The following TAT variants were observed in gnomAD, a reference collection of about 807,000 sequenced individuals.
TAT encodes the protein tyrosine aminotransferase, also known as L-tyrosine:2-oxoglutarate aminotransferase.
In TAT, 35 loss-of-function variants were observed where a neutral mutation model predicts 53.6. The ratio of observed to expected loss-of-function variants is 0.65; its 90% CI spans 0.50 to 0.87. The LOEUF (loss-of-function observed/expected upper bound fraction) is 0.87, where lower values mean the gene tolerates loss of function less well. Among genes scored for constraint, TAT ranks in the 40% least tolerant of loss-of-function variants. The pLI is 0.00. For missense variants in TAT, 525 were observed against 571.8 expected (o/e 0.92, Z 0.83); for synonymous variants, 197 against 206.5 (o/e 0.95, Z 0.39).
rs2044231816 is a variant in TAT at position 71,575,917 on chromosome 16, C to G, written c.340+5G>C. On this transcript the variant is annotated splice_donor_5th_base_variant and intron_variant, in intron 3 of 11. Transcript: ENST00000355962. ...ACCAGGTATGGAGTCTCAGGAGGAGCTTACCGATGGATGGGGCATAGCCAT... is the reference window on the plus strand; with the variant it reads ...ACCAGGTATGGAGTCTCAGGAGGAGGTTACCGATGGATGGGGCATAGCCAT... 6.2e-7 allele frequency: 1 copy of G among 1,613,928 alleles called. No homozygotes were observed. Among genetic ancestry groups the G allele is most frequent in the Admixed American group, 1.7e-5 (1 of 60,002 alleles).
Position 71,576,438 on chromosome 16 carries a change from AAAG to A in TAT, c.-12-14_-12-12del. On this transcript the variant is annotated splice_polypyrimidine_tract_variant and intron_variant, in intron 1 of 11. Transcript: ENST00000355962. ...CATCACTAGCGAAGCCTGCGAGGGGAAAGAAGTTCCCTGTGATGTTGATAACAT... is the reference window on the plus strand; with the variant it reads ...CATCACTAGCGAAGCCTGCGAGGGGAAAGTTCCCTGTGATGTTGATAACAT... 6.2e-7 allele frequency: 1 copy of A among 1,610,120 alleles called. No individual in the cohort carries two copies. The highest frequency in any genetic ancestry group is 1.1e-5 in the South Asian group (1 of 90,986).
chr16:71,574,876 G>T (rs977973043), intron 3 of TAT, among the ~76,000 whole-genome samples: 6 of 152,122 alleles, frequency 3.9e-5, no homozygotes, highest in African/African-American at 1.4e-4. Flanking sequence ...GTGTCTCAAA[G>T]TTATACAAAT....
In TAT at chr16:71,568,214, C is replaced by A; in HGVS notation, c.1295G>T (p.Ser432Ile). The A allele has an allele frequency of 6.2e-7, 1 of 1,614,222 alleles. No homozygotes were observed. Among genetic ancestry groups the A allele is most frequent in the Non-Finnish European group, 8.5e-7 (1 of 1,180,034 alleles). The change falls in exon 12 of 12, where the codon AGC becomes ATC. Residue 432 changes from serine to isoleucine, a missense_variant. Ser to Ile is a moderately radical substitution (Grantham distance 142). Transcript: ENST00000355962. ...VPEVMMLEAC[S>I]RIQEFCEQHY... The stretch of plus-strand genomic sequence containing the variant: ...CTGCTCACAGAACTCCTGGATCCGG[C>A]TGCACGCCTCCAGCATCATCACCTC...
rs746623102 is a variant in TAT at position 71,571,683 on chromosome 16, A to G, written c.707-25T>C. 8.7e-6 allele frequency: 14 copies of G among 1,610,998 alleles called. No individual in the cohort carries two copies. The African/African-American group carries it at 1.3e-4, about 15-fold the overall frequency. ...ACTGAAAATAAAACATGCTGAAATC[A>G]GTTTTAATGTGAATTGCTTTATCAT... On this transcript the variant is annotated intron_variant, in intron 6 of 11. Coordinates refer to ENST00000355962, the MANE Select transcript of TAT (RefSeq NM_000353.3).
intron 4 of TAT, 114 bp from the exon 5 acceptor site, chr16:71,572,802 A>C: frequency 8.3e-7 from 1 of 1,207,954 alleles, no homozygotes; most frequent in Non-Finnish European, 1.2e-6. Flanking sequence ...ACAAGTTGTA[A>C]GTAGTAGGAA....
intron 9 of TAT, 70 bp from the exon 10 acceptor site, chr16:71,570,007 A>G (rs1597053055): frequency 1.3e-6 from 2 of 1,485,954 alleles, no homozygotes; most frequent in East Asian, 4.8e-5. Context: ...CATTAAAAAT[A>G]GCCCCCTCAT....
chr16:71,566,016 T>G lies in TAT; in HGVS notation c.*2128A>C, dbSNP rs936461970. On this transcript the variant is annotated 3_prime_UTR_variant, in exon 12 of 12. Coordinates refer to ENST00000355962, the MANE Select transcript of TAT (RefSeq NM_000353.3). ...ACGTGTAAAACTAAAATGTCTTTTG[T>G]AAATCACTGAGTCTTCCTGTTTATT... 1 of 152,228 alleles carries G rather than the reference T, an allele frequency of 6.6e-6. No homozygotes were observed. The highest frequency in any genetic ancestry group is 2.4e-5 in the African/African-American group (1 of 41,460). 9.4% of individuals were successfully genotyped at this position (152,228 alleles called of 1,614,324 possible). A position where few individuals can be genotyped will look rare whatever the true frequency, so the allele number is the denominator to read the frequency against.
At chr16:71,573,469 A>T in intron 4 of TAT, 70 bp downstream of exon 4, 1 of 1,416,330 alleles carries the variant, frequency 7.1e-7, no homozygotes, top group Non-Finnish European at 9.8e-7. Context: ...CTTCTTGTGG[A>T]ACAGAAACAA....
At chr16:71,571,906 T>C (rs1188494469) in intron 6 of TAT, 1 of 626,774 alleles carries the variant, frequency 1.6e-6, no homozygotes, top group East Asian at 2.7e-5. Context: ...TTTAAGTAAC[T>C]AGATATTTCA....
At chr16:71,571,764 A>G in intron 6 of TAT, 106 bp from the exon 7 acceptor site, 1 of 1,149,516 alleles carries the variant, frequency 8.7e-7, no homozygotes, top group East Asian at 2.4e-5. Context: ...AAGAAGTTAC[A>G]ATTCTTAAAG....
rs1349969075 is a variant in TAT at position 71,573,580 on chromosome 16, C to A, written c.367G>T (p.Ala123Ser). The A allele has an allele frequency of 1.3e-6, 2 of 1,554,922 alleles. No homozygotes were observed. The highest frequency in any genetic ancestry group is 1.2e-5 in the South Asian group (1 of 84,226). Residue 123 changes from alanine (A) to serine (S), a missense_variant, in exon 4 of 12, where the codon GCT (alanine) becomes TCT (serine). Physicochemically the swap from Ala to Ser is moderately conservative, Grantham distance 99. Coordinates refer to ENST00000355962, the MANE Select transcript of TAT (RefSeq NM_000353.3). Reference sequence around the variant, plus strand: ...GCCTCAGGACAGTGGTAATAAGAAGCAATCTCCTCCCGACTGGATAGGAAG... The same window carrying A: ...GCCTCAGGACAGTGGTAATAAGAAGAAATCTCCTCCCGACTGGATAGGAAG... ...IGFLSSREEIASYYHCPEAPL... is the reference protein window; with the variant it reads ...IGFLSSREEISSYYHCPEAPL...
chr16:71,567,804 A>T lies in TAT; in HGVS notation c.*340T>A, dbSNP rs955029675. ...TCTCTCAATCTTTTTCTTTTCCCTC[A>T]TCCTGAGCTCTTATTTTCTTGTCTC... On this transcript the variant is annotated 3_prime_UTR_variant, in exon 12 of 12. Transcript: ENST00000355962. 1 of 349,456 alleles carries T rather than the reference A, an allele frequency of 2.9e-6. No homozygotes were observed. Among genetic ancestry groups the T allele is most frequent in the African/African-American group, 2.1e-5 (1 of 47,218 alleles). The allele number at this position is 349,456 out of a possible 1,614,324, so 21.6% of individuals were successfully genotyped here. A position where few individuals can be genotyped will look rare whatever the true frequency, so the allele number is the denominator to read the frequency against.
intron 3 of TAT, chr16:71,575,686 A>T: frequency 1.7e-6 from 1 of 577,960 alleles, no homozygotes; most frequent in South Asian, 2.0e-5. Flanking sequence ...TATGTTTGGG[A>T]GCCTAGAGGG....
At position 71,568,273 on chromosome 16, in the gene TAT, G is replaced by T; in HGVS notation, c.1236C>A (p.Tyr412Ter). The change falls in exon 12 of 12, where the codon TAC becomes TAA. Residue 412 changes from tyrosine to a stop codon, truncating the protein, a stop_gained. Coordinates refer to ENST00000355962, the MANE Select transcript of TAT (RefSeq NM_000353.3). LOFTEE classifies it high-confidence loss of function. Reference protein sequence around the residue: ...VHCLPATCFEYPNFIRVVITV... With the variant: ...VHCLPATCFE The stretch of plus-strand genomic sequence containing the variant: ...TGATGACCACTCGGATGAAATTCGG[G>T]TACTCAAAGCACTGCAAAAAGAAGA... 1 of 1,614,124 alleles carries T rather than the reference G, an allele frequency of 6.2e-7. No individual in the cohort carries two copies. Among genetic ancestry groups the T allele is most frequent in the Non-Finnish European group, 8.5e-7 (1 of 1,180,034 alleles).
At position 71,566,469 on chromosome 16, in the gene TAT, G is replaced by GAAAAAAAAA. The variant is rs34263853; in HGVS notation, c.*1666_*1674dup. On this transcript the variant is annotated 3_prime_UTR_variant, in exon 12 of 12. Coordinates refer to ENST00000355962, the MANE Select transcript of TAT (RefSeq NM_000353.3). ...GGCAACTGTGCCTATGAAGATTTGC[G>GAAAAAAAAA]AAAAAAAAAAAAAAAAAAAAACATC... 2 of 89,978 alleles carry GAAAAAAAAA rather than the reference G, an allele frequency of 2.2e-5. No individual in the cohort carries two copies. Among genetic ancestry groups the GAAAAAAAAA allele is most frequent in the African/African-American group, 4.3e-5 (1 of 23,222 alleles). The allele number at this position is 89,978 out of a possible 1,614,324, so 5.6% of individuals were successfully genotyped here.
In TAT at chr16:71,574,581, CAAAAAA is replaced by C. The variant is rs71389677; in HGVS notation, c.341-981_341-976del. The stretch of plus-strand genomic sequence containing the variant: ...GGCAACAAGAGCGAAAACTTCGTCT[CAAAAAA>C]AAAAAAAAAAAAAAAAAAAGAAGTT... On this transcript the variant is annotated intron_variant, in intron 3 of 11. Coordinates refer to ENST00000355962, the MANE Select transcript of TAT (RefSeq NM_000353.3). 2.7e-3 allele frequency among the ~76,000 whole-genome samples: 218 copies of C among 79,806 alleles called. 1 individual carries two copies. The highest frequency in any genetic ancestry group is 6.4e-3 in the South Asian group (15 of 2,346). 52.4% of individuals were successfully genotyped at this position (79,806 alleles called of 152,430 possible). A position where few individuals can be genotyped will look rare whatever the true frequency, so the allele number is the denominator to read the frequency against.
chr16:71,576,794 C>G (rs935248622), intron 1 of TAT, among the ~76,000 whole-genome samples: 2 of 152,168 alleles, frequency 1.3e-5, no homozygotes, highest in Non-Finnish European at 2.9e-5. Flanking sequence ...CCAAGAAAAT[C>G]TACCTAATGC....
chr16:71,568,478 A>G, intron 11 of TAT, 194 bp from the exon 12 acceptor site: 2 of 688,932 alleles, frequency 2.9e-6, no homozygotes, highest in Non-Finnish European at 5.0e-6. Flanking sequence ...GACAGGATCA[A>G]TTTCCTCTCA....
At position 71,568,114 on chromosome 16, in the gene TAT, G is replaced by T. The variant is rs375492740; in HGVS notation, c.*30C>A. On this transcript the variant is annotated 3_prime_UTR_variant, in exon 12 of 12. Transcript: ENST00000355962. ...GGCCTAGTCCAGCCTTCCCTAGATG[G>T]GACACATCCTCAGGAGAATGGATGC... 786 of 1,613,900 alleles carry T rather than the reference G, an allele frequency of 4.9e-4. No individual in the cohort carries two copies. Among genetic ancestry groups the T allele is most frequent in the Non-Finnish European group, 6.3e-4 (740 of 1,179,958 alleles).
Sources: gnomAD v4.1 joint callset for allele counts (sites outside exome capture counted in the v4.1 genomes callset) on GRCh38, gnomAD v4.1.1 for gene constraint, MANE v1.5 for transcripts, NCBI Gene and HGNC (gene_info 2026-07-23, HGNC 2026-07-21) for gene names.